Variants in GRM7 observed in about 807,000 individuals in gnomAD.
GRM7 encodes metabotropic glutamate receptor 7.
In GRM7, 35 loss-of-function variants were observed where a neutral mutation model predicts 84.5. The observed-to-expected ratio is 0.41, with a 90% CI of 0.32 to 0.55. The LOEUF (loss-of-function observed/expected upper bound fraction) is 0.55, where lower values mean the gene tolerates loss of function less well. GRM7 is among the 20% of genes least tolerant of loss of function. GRM7 has a pLI of 0.19. For missense variants in GRM7, 1,003 were observed against 1,194.6 expected, an observed-to-expected ratio of 0.84 and a Z score of 2.36; for synonymous variants, 487 against 455.1, an observed-to-expected ratio of 1.07 and a Z score of -0.89.
chr3:7,088,656 A>G (rs1489114861), intron 1 of GRM7, among the ~76,000 whole-genome samples: 1 of 142,862 alleles, frequency 7.0e-6, no homozygotes, highest in African/African-American at 2.8e-5. Flanking sequence ...CTCTAAAATT[A>G]TCTGAAGCCA....
chr3:7,644,790 C>T (rs1409149159), intron 8 of GRM7, among the ~76,000 whole-genome samples: 3 of 152,164 alleles, frequency 2.0e-5, no homozygotes, highest in African/African-American at 7.2e-5. Context: ...CTTTGGTAAT[C>T]TACAGTCTTA....
At chr3:7,546,503 A>G (rs1040302833) in intron 7 of GRM7, among the ~76,000 whole-genome samples, 3 of 152,226 alleles carry the variant, frequency 2.0e-5, no homozygotes, top group African/African-American at 7.2e-5. Flanking sequence ...GCCGTAGGAG[A>G]AGCAGGTAAC....
chr3:7,080,062 G>A (rs1698228132), intron 1 of GRM7, among the ~76,000 whole-genome samples: 1 of 152,056 alleles, frequency 6.6e-6, no homozygotes, highest in Non-Finnish European at 1.5e-5. Context: ...GAATTTCTCT[G>A]CAACTTCCTT....
intron 8 of GRM7, among the ~76,000 whole-genome samples, chr3:7,645,964 A>G (rs77854922): frequency 0.027 from 4,105 of 152,240 alleles, 181 homozygotes; most frequent in African/African-American, 0.092. Context: ...AATCAGAAGG[A>G]CTTTTTGCTA....
chr3:7,734,763 T>A (rs751535144), intron 9 of GRM7, among the ~76,000 whole-genome samples: 3 of 152,344 alleles, frequency 2.0e-5, no homozygotes, highest in Middle Eastern at 3.4e-3. Flanking sequence ...TGTCTCCATT[T>A]TTTTGGTAGT....
At chr3:7,314,575 GTAAAT>G (rs1700518656) in intron 4 of GRM7, among the ~76,000 whole-genome samples, 2 of 149,514 alleles carry the variant, frequency 1.3e-5, no homozygotes, top group Admixed American at 6.6e-5. Flanking sequence ...CAATAAGTAA[GTAAAT>G]TATATACAAT....
chr3:7,034,586 A>T (rs190838519), intron 1 of GRM7, among the ~76,000 whole-genome samples: 1 of 152,306 alleles, frequency 6.6e-6, no homozygotes, highest in Admixed American at 6.5e-5. Context: ...ACTTTTTTCC[A>T]GACTCTAGTA....
chr3:7,696,782 A>T (rs1701036199), intron 9 of GRM7, among the ~76,000 whole-genome samples: 1 of 152,208 alleles, frequency 6.6e-6, no homozygotes, highest in Non-Finnish European at 1.5e-5. Flanking sequence ...AGGACTGAAG[A>T]TGGCTATTTT....
intron 5 of GRM7, among the ~76,000 whole-genome samples, chr3:7,446,117 C>G (rs1697495801): frequency 6.6e-6 from 1 of 152,148 alleles, no homozygotes; most frequent in Admixed American, 6.6e-5. Flanking sequence ...GGACTTCAGC[C>G]TCAAGAAATA....
At chr3:6,898,556 C>A (rs896378994) in intron 1 of GRM7, among the ~76,000 whole-genome samples, 1 of 152,040 alleles carries the variant, frequency 6.6e-6, no homozygotes, top group Non-Finnish European at 1.5e-5. Context: ...CCTCAATTTC[C>A]ACCTTCTACT....
intron 1 of GRM7, among the ~76,000 whole-genome samples, chr3:6,944,802 C>G (rs1183582468): frequency 6.6e-6 from 1 of 152,018 alleles, no homozygotes; most frequent in African/African-American, 2.4e-5. Flanking sequence ...ATATCTGGAC[C>G]TGGAGTTTTT....
At chr3:7,404,802 A>T (rs1375921) in intron 4 of GRM7, among the ~76,000 whole-genome samples, 63,701 of 151,838 alleles carry the variant, frequency 0.42, 13,908 homozygotes, top group Middle Eastern at 0.49. Flanking sequence ...TAAAAAAAAA[A>T]AATAATAATA....
chr3:6,864,988 G>A (rs1008210843), intron 1 of GRM7, among the ~76,000 whole-genome samples: 1 of 152,224 alleles, frequency 6.6e-6, no homozygotes, highest in African/African-American at 2.4e-5. Flanking sequence ...GAGTGGGTTA[G>A]TACGATGACA....
At chr3:7,006,396 A>G (rs564007152) in intron 1 of GRM7, among the ~76,000 whole-genome samples, 2 of 152,322 alleles carry the variant, frequency 1.3e-5, no homozygotes, top group East Asian at 1.9e-4. Flanking sequence ...GTGTCACTCA[A>G]TGGGAACGCC....
At chr3:7,472,031 GGTGA>G (rs1698723064) in intron 7 of GRM7, among the ~76,000 whole-genome samples, 1 of 152,142 alleles carries the variant, frequency 6.6e-6, no homozygotes, top group African/African-American at 2.4e-5. Context: ...CTACCTCGGA[GGTGA>G]GTGAGTTTTT....
chr3:7,652,634 T>A (rs938310133), intron 8 of GRM7, among the ~76,000 whole-genome samples: 2 of 152,160 alleles, frequency 1.3e-5, no homozygotes, highest in Non-Finnish European at 2.9e-5. Flanking sequence ...CAGCCTGCAG[T>A]TTGCACCCCA....
At chr3:7,540,747 G>A (rs1692833537) in intron 7 of GRM7, among the ~76,000 whole-genome samples, 3 of 152,160 alleles carry the variant, frequency 2.0e-5, no homozygotes, top group South Asian at 4.1e-4. Context: ...AAAAAGATAT[G>A]TAAAGAAGAC....
At chr3:7,192,174 C>G (rs577126139) in intron 2 of GRM7, among the ~76,000 whole-genome samples, 5 of 152,142 alleles carry the variant, frequency 3.3e-5, no homozygotes, top group Admixed American at 1.3e-4. Flanking sequence ...TCAGTGTGAG[C>G]CAGAATCAGT....
chr3:7,203,745 T>A (rs1696143506), intron 2 of GRM7, among the ~76,000 whole-genome samples: 1 of 152,218 alleles, frequency 6.6e-6, no homozygotes, highest in Non-Finnish European at 1.5e-5. Context: ...TAGACTTTAA[T>A]AAGATTATGA....
Sources: allele counts gnomAD v4.1 joint callset (sites outside exome capture counted in the v4.1 genomes callset), GRCh38; gene constraint gnomAD v4.1.1; transcripts MANE v1.5; gene names NCBI Gene and HGNC (gene_info 2026-07-23, HGNC 2026-07-21).